The following LRCH3 variants were observed in gnomAD, a reference collection of about 807,000 sequenced individuals.
LRCH3 encodes DISP complex protein LRCH3.
Under a neutral mutation model 104.5 loss-of-function variants are expected in LRCH3, and 68 were observed. That is an observed-to-expected ratio of 0.65 (90% confidence interval 0.54 to 0.80). LRCH3 has a LOEUF of 0.80. Ranked by LOEUF, LRCH3 falls within the 30% of genes least tolerant of loss-of-function variation. The pLI is 0.00. For synonymous variants in LRCH3, 344 were observed against 361.3 expected (o/e 0.95, Z 0.54); for missense variants, 951 against 953.9 (o/e 1.00, Z 0.04).
rs548961457 is a variant in LRCH3, at chr3:197,839,644, T to A, written c.1328+247T>A. On this transcript the variant is annotated intron_variant, in intron 10 of 20. Coordinates refer to ENST00000425562, the MANE Select transcript of LRCH3 (RefSeq NM_001365715.1). ...CTGAAGATACTTAGTAGCAATGAGA[T>A]TTTGTGGTGAAGCTATATGGATTCA... is the stretch of plus-strand genomic sequence containing the variant. 9.2e-5 allele frequency among the ~76,000 whole-genome samples: 14 copies of A among 152,276 alleles called. No individual in the cohort carries two copies. In the South Asian group the frequency reaches 2.9e-3, roughly 32 times the overall value.
chr3:197,808,715 C>A (rs953284471), intron 1 of LRCH3, among the ~76,000 whole-genome samples: 4 of 151,936 alleles, frequency 2.6e-5, no homozygotes, highest in African/African-American at 9.7e-5. Context: ...AGTTTCAAGA[C>A]CAGCCTGGGC....
At chr3:197,835,944 A>T in intron 9 of LRCH3, 122 bp downstream of exon 9, 2 of 1,096,154 alleles carry the variant, frequency 1.8e-6, no homozygotes, top group Non-Finnish European at 2.6e-6. Context: ...CATTATGTTC[A>T]CTTCTGATTT....
intron 9 of LRCH3, among the ~76,000 whole-genome samples, chr3:197,838,585 G>A (rs917210703): frequency 6.6e-6 from 1 of 152,028 alleles, no homozygotes; most frequent in Non-Finnish European, 1.5e-5. Flanking sequence ...AGATTGTATT[G>A]CTTCTATAGG....
At position 197,791,332 on chromosome 3, in the gene LRCH3, G is replaced by T. The variant is rs1462467667; in HGVS notation, c.54G>T (p.Thr18=). ...CAGCGGCTGCCGAGTACTCTGGCAC[G>T]GTAGCGTCGGGAGGTAACCTCCCTG... is the stretch of plus-strand genomic sequence containing the variant. ...AVAAAAEYSG[T]VASGGNLPGV... The change falls in exon 1 of 21, where the codon ACG becomes ACT. Residue 18 remains threonine, a synonymous_variant. Transcript: ENST00000425562. 1.9e-6 allele frequency: 3 copies of T among 1,608,934 alleles called. No individual in the cohort carries two copies. The highest frequency in any genetic ancestry group is 2.5e-6 in the Non-Finnish European group (3 of 1,178,708).
At chr3:197,824,299 G>A (rs1338324569) in intron 4 of LRCH3, among the ~76,000 whole-genome samples, 1 of 149,992 alleles carries the variant, frequency 6.7e-6, no homozygotes, top group African/African-American at 2.4e-5. Flanking sequence ...CCCTGACCTC[G>A]TGATCCACCC....
chr3:197,858,487 C>T (rs1740527261), intron 14 of LRCH3, among the ~76,000 whole-genome samples: 1 of 151,946 alleles, frequency 6.6e-6, no homozygotes, highest in Non-Finnish European at 1.5e-5. Context: ...GTTAAAACCC[C>T]TCATCGTAGG....
chr3:197,880,131 A>G (rs9758436), intron 20 of LRCH3, among the ~76,000 whole-genome samples: 24,057 of 143,124 alleles, frequency 0.17, 2,813 homozygotes, highest in African/African-American at 0.31. Flanking sequence ...ATTTTTAGTA[A>G]AGACGGGGTT....
chr3:197,836,111 A>G (rs1736758583), intron 9 of LRCH3, among the ~76,000 whole-genome samples: 1 of 152,204 alleles, frequency 6.6e-6, no homozygotes, highest in Non-Finnish European at 1.5e-5. Flanking sequence ...AGTACAAAGA[A>G]AAATACAGTG....
intron 1 of LRCH3, among the ~76,000 whole-genome samples, chr3:197,797,327 CAAAAA>C (rs3085302): frequency 1.4e-5 from 1 of 71,536 alleles, no homozygotes; most frequent in Non-Finnish European, 2.4e-5. Context: ...AACTCCATCT[CAAAAA>C]AAAAAAAAAA....
Position 197,868,055 on chromosome 3 carries a change from A to G in LRCH3, c.1873+1836A>G, listed in dbSNP as rs138946957. On this transcript the variant is annotated intron_variant, in intron 17 of 20. Transcript: ENST00000425562. Reference sequence around the variant, plus strand: ...ACAAAAAAAACACAACTTACCTTCAATGTTACCAACAGATGCATTCACAGT... The same window carrying G: ...ACAAAAAAAACACAACTTACCTTCAGTGTTACCAACAGATGCATTCACAGT... Among the ~76,000 whole-genome samples the G allele has an allele frequency of 3.7e-4, 57 of 152,192 alleles. No homozygotes were observed. In the South Asian group the frequency reaches 7.0e-3, roughly 19 times the overall value.
chr3:197,811,265 T>C (rs760392338), intron 1 of LRCH3, among the ~76,000 whole-genome samples: 2 of 152,228 alleles, frequency 1.3e-5, no homozygotes, highest in Non-Finnish European at 2.9e-5. Flanking sequence ...TAGGGACTTT[T>C]TGAAAATTAC....
At chr3:197,792,947 C>T (rs1445964645) in intron 1 of LRCH3, among the ~76,000 whole-genome samples, 1 of 151,814 alleles carries the variant, frequency 6.6e-6, no homozygotes, top group African/African-American at 2.4e-5. Flanking sequence ...CCACCGCGTC[C>T]GGCCAATATT....
chr3:197,882,346 C>G, intron 20 of LRCH3: 5 of 985,198 alleles, frequency 5.1e-6, no homozygotes, highest in Non-Finnish European at 6.0e-6. Flanking sequence ...AGTATTTCTA[C>G]AAAGTTGCTA....
In LRCH3 at chr3:197,852,620, G is replaced by C. The variant is rs1234371969; in HGVS notation, c.1590G>C (p.Glu530Asp). The change falls in exon 13 of 21, where the codon GAG (glutamate) becomes GAC (aspartate). Residue 530 changes from glutamate to aspartate, a missense_variant and splice_region_variant. By Grantham distance (45) the Glu-to-Asp change is conservative. Transcript: ENST00000425562. ...QHPLLDGVDG[E>D]CPFPSRRSQH... ...CGCTCCTAGATGGCGTAGATGGTGA[G>C]GTAAGTTGATGTAATCTCCTTTTCT... 1.9e-6 allele frequency: 3 copies of C among 1,613,692 alleles called. No individual in the cohort carries two copies. Among genetic ancestry groups the C allele is most frequent in the African/African-American group, 1.3e-5 (1 of 74,888 alleles).
intron 12 of LRCH3, 188 bp from the exon 13 acceptor site, chr3:197,852,373 G>A: frequency 1.7e-6 from 1 of 576,760 alleles, no homozygotes; most frequent in East Asian, 2.9e-5. Flanking sequence ...AAATGTGTTT[G>A]TGTAGATATA....
Position 197,832,204 on chromosome 3 carries a change from A to G in LRCH3, c.989A>G (p.Asp330Gly), listed in dbSNP as rs937743052. The G allele has an allele frequency of 6.2e-7, 1 of 1,612,486 alleles. No homozygotes were observed. The highest frequency in any genetic ancestry group is 8.5e-7 in the Non-Finnish European group (1 of 1,178,790). ...DKRWSGNEPTDEFSDLPLRVA... is the reference protein window; with the variant it reads ...DKRWSGNEPTGEFSDLPLRVA... ...TTCTGCTTCTTTTTTAAGCCTACAG[A>G]TGAATTTTCAGATCTGCCTCTTCGA... is the stretch of plus-strand genomic sequence containing the variant. The change falls in exon 8 of 21, where the codon GAT (aspartate) becomes GGT (glycine). Residue 330 changes from aspartate to glycine, a missense_variant. Coordinates refer to ENST00000425562, the MANE Select transcript of LRCH3 (RefSeq NM_001365715.1).
intron 10 of LRCH3, among the ~76,000 whole-genome samples, chr3:197,842,016 G>T (rs79958040): frequency 0.14 from 20,485 of 150,474 alleles, 1,736 homozygotes; most frequent in African/African-American, 0.25. Flanking sequence ...TTATTTTTAG[G>T]AGAGACAGAA....
At chr3:197,850,871 GT>G (rs1739496563) in intron 12 of LRCH3, 4 of 939,092 alleles carry the variant, frequency 4.3e-6, no homozygotes, top group Non-Finnish European at 7.1e-6. Context: ...TTCCACGAGT[GT>G]TCTTAAAGTG....
chr3:197,791,651 G>C, intron 1 of LRCH3, 111 bp downstream of exon 1: 1 of 1,265,716 alleles, frequency 7.9e-7, no homozygotes, highest in Non-Finnish European at 1.0e-6. Context: ...GTAGGCGCCG[G>C]GTCCGGACCC....
Sources: allele counts gnomAD v4.1 joint callset (sites outside exome capture counted in the v4.1 genomes callset), GRCh38; gene constraint gnomAD v4.1.1; transcripts MANE v1.5; gene names NCBI Gene and HGNC (gene_info 2026-07-23, HGNC 2026-07-21).